RIMS2: variants seen among roughly 807,000 people sequenced by gnomAD.
RIMS2 encodes regulating synaptic membrane exocytosis 2, also known as regulating synaptic membrane exocytosis protein 2.
Under a neutral mutation model 174.4 loss-of-function variants are expected in RIMS2, and 59 were observed. The observed-to-expected ratio is 0.34, with a 90% CI of 0.27 to 0.42. The LOEUF is 0.42. RIMS2 is among the 10% of genes least tolerant of loss of function. RIMS2 has a pLI of 1.00. For synonymous variants in RIMS2, 606 were observed against 572.5 expected (o/e 1.06, Z -0.84); for missense variants, 1,620 against 1,666.3 (o/e 0.97, Z 0.48).
At chr8:104,252,886 G>A (rs1400629299), downstream of RIMS2, 1 of 152,022 alleles carries the variant, frequency 6.6e-6, no homozygotes, top group Non-Finnish European at 1.5e-5. Context: ...CCCTGCCAGA[G>A]TGAACCTTAT....
chr8:104,202,702 T>TGTGTCCTTAAA (rs1336945440), intron 19 of RIMS2, among the ~76,000 whole-genome samples: 2 of 152,234 alleles, frequency 1.3e-5, no homozygotes, highest in Non-Finnish European at 2.9e-5. Flanking sequence ...ACACCAGTCA[T>TGTGTCCTTAAA]ATTGGGCTAG....
intron 1 of RIMS2, among the ~76,000 whole-genome samples, chr8:103,696,498 A>T (rs558734217): frequency 3.9e-5 from 6 of 152,226 alleles, no homozygotes; most frequent in Non-Finnish European, 8.8e-5. Context: ...CAAATGGAAG[A>T]TAGAAATTTA....
intron 2 of RIMS2, among the ~76,000 whole-genome samples, chr8:103,729,199 G>A (rs1327398823): frequency 6.6e-6 from 1 of 152,040 alleles, no homozygotes; most frequent in African/African-American, 2.4e-5. Flanking sequence ...GAAGACGTTG[G>A]ATCCTGGGCT....
At chr8:104,234,932 TG>T (rs1362806716) in intron 19 of RIMS2, among the ~76,000 whole-genome samples, 1 of 152,168 alleles carries the variant, frequency 6.6e-6, no homozygotes, top group African/African-American at 2.4e-5. Flanking sequence ...TATAGTTTGA[TG>T]AAATCTCCAA....
chr8:103,873,019 G>T (rs1257047930), intron 3 of RIMS2, among the ~76,000 whole-genome samples: 1 of 152,116 alleles, frequency 6.6e-6, no homozygotes, highest in Non-Finnish European at 1.5e-5. Context: ...AGTTTAAGAG[G>T]TGTTATTTGA....
intron 19 of RIMS2, among the ~76,000 whole-genome samples, chr8:104,060,167 C>G (rs1476855893): frequency 1.3e-5 from 2 of 151,830 alleles, no homozygotes; most frequent in Admixed American, 1.3e-4. Context: ...CCTTGTACCT[C>G]TGGTAGAATT....
At chr8:103,788,568 C>T (rs890470589) in intron 3 of RIMS2, among the ~76,000 whole-genome samples, 3 of 151,706 alleles carry the variant, frequency 2.0e-5, no homozygotes, top group Admixed American at 1.3e-4. Context: ...GGGGTGCCTC[C>T]CAGTTAGGCT....
intron 2 of RIMS2, among the ~76,000 whole-genome samples, chr8:103,755,114 G>T (rs2097966697): frequency 6.6e-6 from 1 of 152,148 alleles, no homozygotes; most frequent in Non-Finnish European, 1.5e-5. Context: ...GCTCTTGTAA[G>T]ACAGGCCTGG....
intron 1 of RIMS2, among the ~76,000 whole-genome samples, chr8:103,631,364 C>T (rs531195958): frequency 1.3e-5 from 2 of 152,272 alleles, no homozygotes; most frequent in East Asian, 3.9e-4. Flanking sequence ...GCCAGTTAAC[C>T]CAGTATCATT....
intron 1 of RIMS2, among the ~76,000 whole-genome samples, chr8:103,551,590 T>A (rs1847950220): frequency 6.6e-6 from 1 of 152,170 alleles, no homozygotes; most frequent in South Asian, 2.1e-4. Flanking sequence ...GTGTTGGAAG[T>A]TCTGGCCAGG....
chr8:104,220,105 A>G (rs1432903170), intron 19 of RIMS2, among the ~76,000 whole-genome samples: 1 of 152,148 alleles, frequency 6.6e-6, no homozygotes, highest in Non-Finnish European at 1.5e-5. Flanking sequence ...GTCATTCAAG[A>G]CTAGAAGTCT....
intron 19 of RIMS2, among the ~76,000 whole-genome samples, chr8:104,147,480 T>G (rs551777223): frequency 4.5e-4 from 69 of 152,202 alleles, no homozygotes; most frequent in Non-Finnish European, 8.1e-4. Context: ...AAACACTTTT[T>G]TTTTTCTGGA....
chr8:103,792,637 G>GTTTTT (rs57893772), intron 3 of RIMS2, among the ~76,000 whole-genome samples: 1 of 137,574 alleles, frequency 7.3e-6, no homozygotes, highest in Non-Finnish European at 1.5e-5. Flanking sequence ...CCAGGAGCTG[G>GTTTTT]TTTTTTTTTT....
intron 3 of RIMS2, among the ~76,000 whole-genome samples, chr8:103,813,750 G>A (rs2098702751): frequency 6.6e-6 from 1 of 152,070 alleles, no homozygotes; most frequent in Non-Finnish European, 1.5e-5. Flanking sequence ...TTTTATGGCT[G>A]CATAGTATTC....
rs142479039 is a variant in RIMS2 at position 103,628,448 on chromosome 8, G to A, written c.177-68638G>A. On this transcript the variant is annotated intron_variant, in intron 1 of 23. Coordinates refer to ENST00000504942, the Ensembl canonical transcript of RIMS2. Reference sequence around the variant, plus strand: ...CAGCTCACCACAACCTCCGCCTCCCGGTTTCAGGCAATTTTCCTGCCTTAG... The same window carrying A: ...CAGCTCACCACAACCTCCGCCTCCCAGTTTCAGGCAATTTTCCTGCCTTAG... 4.3e-3 allele frequency among the ~76,000 whole-genome samples: 649 copies of A among 151,076 alleles called. 6 individuals are homozygous for A. The highest frequency in any genetic ancestry group is 0.015 in the African/African-American group (605 of 41,098).
chr8:103,500,839 A>G (rs1318365055), exon 1 of RIMS2: 6 of 1,345,194 alleles, frequency 4.5e-6, no homozygotes, highest in African/African-American at 1.5e-5. Flanking sequence ...CGCCGCTGCC[A>G]GTGGAGTTGC....
chr8:103,812,710 TTCC>T (rs2154464445), intron 3 of RIMS2, among the ~76,000 whole-genome samples: 1 of 152,254 alleles, frequency 6.6e-6, no homozygotes, highest in East Asian at 1.9e-4. Flanking sequence ...TGCCTTCTTC[TTCC>T]TCCTTTTGTT....
At chr8:103,843,836 C>CT (rs1186514964) in intron 3 of RIMS2, among the ~76,000 whole-genome samples, 1 of 152,024 alleles carries the variant, frequency 6.6e-6, no homozygotes, top group African/African-American at 2.4e-5. Context: ...ATTAAAATAA[C>CT]TTTTTTTGGC....
chr8:103,605,326 AG>A (rs2095000971), intron 1 of RIMS2, among the ~76,000 whole-genome samples: 3 of 142,662 alleles, frequency 2.1e-5, no homozygotes, highest in Non-Finnish European at 3.0e-5. Flanking sequence ...ATATTGAACC[AG>A]CCTTGCATCC....
Sources: gnomAD v4.1 joint callset for allele counts (sites outside exome capture counted in the v4.1 genomes callset) on GRCh38, gnomAD v4.1.1 for gene constraint, MANE v1.5 for transcripts, NCBI Gene and HGNC (gene_info 2026-07-23, HGNC 2026-07-21) for gene names.